CRADD: variants seen among roughly 807,000 people sequenced by gnomAD.
CRADD encodes the protein death domain-containing protein CRADD.
Under a neutral mutation model 15.5 loss-of-function variants are expected in CRADD, and 9 were observed. The observed-to-expected ratio is 0.58, with a 90% CI of 0.35 to 1.01. The LOEUF is 1.01. CRADD is among the 50% of genes least tolerant of loss of function. CRADD has a pLI of 0.02. For synonymous variants in CRADD, 118 were observed against 107.6 expected, an observed-to-expected ratio of 1.10 and a Z score of -0.60; for missense variants, 227 against 250.3, an observed-to-expected ratio of 0.91 and a Z score of 0.63.
intron 2 of CRADD, among the ~76,000 whole-genome samples, chr12:93,717,361 TTTTTAA>T (rs1213695149): frequency 3.3e-5 from 5 of 152,210 alleles, no homozygotes; most frequent in African/African-American, 1.2e-4. Flanking sequence ...CAGAGCACAC[TTTTTAA>T]TTTTAATGAA....
At chr12:93,783,511 A>T (rs1215708149) in intron 2 of CRADD, among the ~76,000 whole-genome samples, 5 of 152,074 alleles carry the variant, frequency 3.3e-5, no homozygotes, top group Admixed American at 6.6e-5. Context: ...TTTGCATGTG[A>T]GAAAGATGCA....
intron 2 of CRADD, among the ~76,000 whole-genome samples, chr12:93,844,632 G>C (rs190365688): frequency 6.6e-6 from 1 of 152,250 alleles, no homozygotes; most frequent in East Asian, 1.9e-4. Flanking sequence ...AGCATATGTT[G>C]CATTCATGTT....
At position 93,776,124 on chromosome 12, in the gene CRADD, T is replaced by C. The variant is rs979390016; in HGVS notation, c.299-73846T>C. Among the ~76,000 whole-genome samples, 18 of 152,340 alleles carry C rather than the reference T, an allele frequency of 1.2e-4. 2 individuals are homozygous for C. The highest frequency in any genetic ancestry group is 1.0e-3 in the Admixed American group (16 of 15,310). On this transcript the variant is annotated intron_variant, in intron 2 of 2. Coordinates refer to ENST00000332896, the MANE Select transcript of CRADD (RefSeq NM_003805.5). ...TATATGCATTTTCTGTAATTTGATA[T>C]CTTTAATTAATATATGGAACAGTCT...
At chr12:93,725,951 C>T (rs1303932814) in intron 2 of CRADD, among the ~76,000 whole-genome samples, 2 of 152,142 alleles carry the variant, frequency 1.3e-5, no homozygotes, top group Admixed American at 6.6e-5. Flanking sequence ...GCTAGTACAT[C>T]GTGGGGCTGT....
intron 2 of CRADD, among the ~76,000 whole-genome samples, chr12:93,705,442 G>T (rs1955925963): frequency 6.6e-6 from 1 of 152,198 alleles, no homozygotes; most frequent in Non-Finnish European, 1.5e-5. Context: ...TCTAGGGACA[G>T]TCTCCTGTCT....
At chr12:93,856,951 A>G (rs1958279804) in intron 2 of CRADD, among the ~76,000 whole-genome samples, 1 of 152,220 alleles carries the variant, frequency 6.6e-6, no homozygotes, top group Non-Finnish European at 1.5e-5. Flanking sequence ...GCTTAGAAGA[A>G]CAGGGATGTC....
intron 2 of CRADD, among the ~76,000 whole-genome samples, chr12:93,679,640 A>G (rs1955238720): frequency 6.6e-6 from 1 of 152,202 alleles, no homozygotes; most frequent in Non-Finnish European, 1.5e-5. Context: ...ATGCATTTAG[A>G]AATGCTTCCA....
intron 2 of CRADD, among the ~76,000 whole-genome samples, chr12:93,790,028 A>G (rs1200675296): frequency 6.6e-6 from 1 of 152,130 alleles, no homozygotes; most frequent in Non-Finnish European, 1.5e-5. Flanking sequence ...GCCTCTGTAA[A>G]TGGAACACAA....
chr12:93,786,416 C>T (rs747404767), intron 2 of CRADD, among the ~76,000 whole-genome samples: 2 of 152,072 alleles, frequency 1.3e-5, no homozygotes, highest in Non-Finnish European at 2.9e-5. Context: ...CTGAAGACTG[C>T]GGGTACTATG....
At chr12:93,715,681 T>C (rs1565884700) in intron 2 of CRADD, among the ~76,000 whole-genome samples, 1 of 152,206 alleles carries the variant, frequency 6.6e-6, no homozygotes, top group East Asian at 1.9e-4. Context: ...TTTAGAGCTA[T>C]ATTTAATGGA....
rs372579801 is a variant in CRADD at position 93,722,902 on chromosome 12, T to TC, written c.298+43830_298+43831insC. Among the ~76,000 whole-genome samples the TC allele has an allele frequency of 3.8e-3, 579 of 152,284 alleles. 1 individual carries two copies. Among genetic ancestry groups the TC allele is most frequent in the Non-Finnish European group, 6.2e-3 (425 of 68,018 alleles). On this transcript the variant is annotated intron_variant, in intron 2 of 2. Coordinates refer to ENST00000332896, the MANE Select transcript of CRADD (RefSeq NM_003805.5). ...TTTTTTCTTGATAGCTGGGCATGAATATGGGGTAAAGGGATCACTCTTAAG... is the reference window on the plus strand; with the variant it reads ...TTTTTTCTTGATAGCTGGGCATGAATCATGGGGTAAAGGGATCACTCTTAAG...
intron 2 of CRADD, among the ~76,000 whole-genome samples, chr12:93,792,559 C>G (rs1007152391): frequency 6.6e-6 from 1 of 152,154 alleles, no homozygotes; most frequent in Non-Finnish European, 1.5e-5. Flanking sequence ...AGGTTGTCCT[C>G]TCTCAGAACC....
downstream of CRADD, among the ~76,000 whole-genome samples, chr12:93,854,241 AG>A (rs1415461050): frequency 2.0e-5 from 3 of 152,136 alleles, no homozygotes. Flanking sequence ...TGGCTGAGGC[AG>A]GATGCTCTAG....
Sources: gnomAD v4.1 joint callset for allele counts (sites outside exome capture counted in the v4.1 genomes callset) on GRCh38, gnomAD v4.1.1 for gene constraint, MANE v1.5 for transcripts, NCBI Gene and HGNC (gene_info 2026-07-23, HGNC 2026-07-21) for gene names.